GRM7: variants seen among roughly 807,000 people sequenced by gnomAD.
GRM7 encodes metabotropic glutamate receptor 7.
GRM7 carries 35 observed loss-of-function variants against 84.5 expected under a neutral mutation model. The ratio of observed to expected loss-of-function variants is 0.41; its 90% confidence interval spans 0.32 to 0.55. GRM7 has a LOEUF of 0.55. GRM7 is among the 20% of genes least tolerant of loss of function. The pLI, the probability that GRM7 is intolerant of heterozygous loss-of-function variation, is 0.19. For synonymous variants in GRM7, 487 were observed against 455.1 expected (o/e 1.07, Z -0.89); for missense variants, 1,003 against 1,194.6 (o/e 0.84, Z 2.36).
chr3:7,321,727 G>T (rs530160275), intron 4 of GRM7, among the ~76,000 whole-genome samples: 204 of 147,226 alleles, frequency 1.4e-3, no homozygotes, highest in Non-Finnish European at 2.4e-3. Flanking sequence ...GGAATAAAAT[G>T]AGCATTAAAA....
chr3:7,566,121 TTTTTTTTTTTTG>T (rs1559406822), intron 7 of GRM7, among the ~76,000 whole-genome samples: 8 of 146,664 alleles, frequency 5.5e-5, no homozygotes, highest in African/African-American at 7.5e-5. Context: ...TTTTTTTTTT[TTTTTTTTTTTTG>T]TAAAAGATCA....
intron 7 of GRM7, among the ~76,000 whole-genome samples, chr3:7,471,489 C>A (rs1266115909): frequency 6.6e-6 from 1 of 152,130 alleles, no homozygotes; most frequent in East Asian, 1.9e-4. Flanking sequence ...GACCTGTGAC[C>A]CCTTTCCTCT....
intron 1 of GRM7, among the ~76,000 whole-genome samples, chr3:7,140,265 T>G (rs1419975120): frequency 2.0e-5 from 3 of 151,914 alleles, no homozygotes; most frequent in African/African-American, 7.2e-5. Flanking sequence ...TAAAGGTAGG[T>G]AGTATGTCAG....
chr3:7,657,027 A>ACACT (rs1178751988), intron 8 of GRM7, among the ~76,000 whole-genome samples: 6 of 152,348 alleles, frequency 3.9e-5, no homozygotes, highest in East Asian at 1.9e-4. Context: ...GTTTTTCTAC[A>ACACT]CACTCATATG....
chr3:7,117,376 T>C (rs1015262697), intron 1 of GRM7, among the ~76,000 whole-genome samples: 49 of 152,160 alleles, frequency 3.2e-4, no homozygotes, highest in Admixed American at 1.3e-4. Flanking sequence ...CTCCACAACA[T>C]TCTAAACCAA....
chr3:7,260,136 G>GT (rs543468975), intron 2 of GRM7, among the ~76,000 whole-genome samples: 101 of 147,322 alleles, frequency 6.9e-4, no homozygotes, highest in African/African-American at 1.7e-3. Flanking sequence ...ACTTTTCAAT[G>GT]TTTTTTTTTT....
At chr3:7,039,374 G>T (rs1696506196) in intron 1 of GRM7, among the ~76,000 whole-genome samples, 1 of 152,148 alleles carries the variant, frequency 6.6e-6, no homozygotes, top group African/African-American at 2.4e-5. Context: ...TTAATGTTTT[G>T]TGACAGGTAT....
chr3:7,173,816 T>C (rs954861506), intron 2 of GRM7, among the ~76,000 whole-genome samples: 4 of 152,214 alleles, frequency 2.6e-5, no homozygotes, highest in African/African-American at 7.2e-5. Context: ...TGAGATAGTT[T>C]CCTCTTTAAT....
At chr3:7,685,990 C>T (rs1700569242) in intron 9 of GRM7, among the ~76,000 whole-genome samples, 5 of 152,124 alleles carry the variant, frequency 3.3e-5, no homozygotes, top group Non-Finnish European at 5.9e-5. Flanking sequence ...GTTTCATCCT[C>T]TTGGACTAAC....
rs371673266 is a variant in GRM7 at position 7,286,435 on chromosome 3, T to C, written c.737-12249T>C. Among the ~76,000 whole-genome samples, 84 of 152,332 alleles carry C rather than the reference T, an allele frequency of 5.5e-4. 4 individuals are homozygous for C. In the South Asian group the frequency reaches 0.013, roughly 24 times the overall value. ...GTATTGCTCTGATGCTAATGTGAAATGCTGTTTATCAGGAGCAAATGATTT... is the reference window on the plus strand; with the variant it reads ...GTATTGCTCTGATGCTAATGTGAAACGCTGTTTATCAGGAGCAAATGATTT... On this transcript the variant is annotated intron_variant, in intron 2 of 9. Coordinates refer to ENST00000357716, the MANE Select transcript of GRM7 (RefSeq NM_000844.4).
chr3:7,257,545 A>G (rs973222583), intron 2 of GRM7, among the ~76,000 whole-genome samples: 5 of 152,186 alleles, frequency 3.3e-5, no homozygotes, highest in African/African-American at 4.8e-5. Context: ...CTCCACAAGT[A>G]TACTGTAAGG....
rs201605419 is a variant in GRM7 at position 7,317,765 on chromosome 3, C to CAA, written c.1033+11122_1033+11123dup. On this transcript the variant is annotated intron_variant, in intron 4 of 9. Transcript: ENST00000357716. ...AGCCCTAGAATTCTCTGATTTTCTA[C>CAA]AAAAAAAAAACTGTGCAAGGTAGAC... Among the ~76,000 whole-genome samples, 78 of 142,670 alleles carry CAA rather than the reference C, an allele frequency of 5.5e-4. 1 individual carries two copies. The East Asian group carries it at 0.011, about 20-fold the overall frequency. 93.6% of individuals were successfully genotyped at this position (142,670 alleles called of 152,430 possible).
At chr3:7,416,826 A>G (rs557083471) in intron 5 of GRM7, among the ~76,000 whole-genome samples, 2 of 152,210 alleles carry the variant, frequency 1.3e-5, no homozygotes, top group African/African-American at 4.8e-5. Context: ...TCAAGTGGAA[A>G]CTGAAAAAAA....
At chr3:7,027,104 C>T (rs566030603) in intron 1 of GRM7, among the ~76,000 whole-genome samples, 1 of 152,296 alleles carries the variant, frequency 6.6e-6, no homozygotes, top group South Asian at 2.1e-4. Context: ...ATTCTTGACC[C>T]CTATATTCTT....
intron 7 of GRM7, among the ~76,000 whole-genome samples, chr3:7,501,133 C>T (rs1221898012): frequency 6.6e-6 from 1 of 152,102 alleles, no homozygotes; most frequent in Non-Finnish European, 1.5e-5. Flanking sequence ...AATATAATGC[C>T]AGATACTGTC....
intron 2 of GRM7, among the ~76,000 whole-genome samples, chr3:7,270,518 A>G (rs1406839651): frequency 6.6e-6 from 1 of 151,916 alleles, no homozygotes; most frequent in African/African-American, 2.4e-5. Flanking sequence ...TTTTTTCTCA[A>G]TATTGAATGT....
At chr3:7,737,312 G>T (rs1702537284) in intron 9 of GRM7, among the ~76,000 whole-genome samples, 1 of 152,042 alleles carries the variant, frequency 6.6e-6, no homozygotes, top group South Asian at 2.1e-4. Flanking sequence ...AGGATACCTT[G>T]TTTTGAGAAC....
intron 5 of GRM7, among the ~76,000 whole-genome samples, chr3:7,434,618 G>C (rs775381692): frequency 6.6e-6 from 1 of 152,052 alleles, no homozygotes; most frequent in South Asian, 2.1e-4. Flanking sequence ...CAAATATTAA[G>C]TTTGCAGTCC....
intron 8 of GRM7, among the ~76,000 whole-genome samples, chr3:7,676,432 A>T (rs984652881): frequency 6.6e-6 from 1 of 152,136 alleles, no homozygotes; most frequent in Admixed American, 6.5e-5. Flanking sequence ...TATTTTTATC[A>T]TGCTTATTCT....
Sources: gnomAD v4.1 joint callset for allele counts (sites outside exome capture counted in the v4.1 genomes callset) on GRCh38, gnomAD v4.1.1 for gene constraint, MANE v1.5 for transcripts, NCBI Gene and HGNC (gene_info 2026-07-23, HGNC 2026-07-21) for gene names.